The following DAPK1 variants were observed in gnomAD, a reference collection of about 807,000 sequenced individuals.
DAPK1 encodes the protein death associated protein kinase 1.
DAPK1 carries 56 observed loss-of-function variants against 144.9 expected under a neutral mutation model. The ratio of observed to expected loss-of-function variants is 0.39; its 90% CI spans 0.31 to 0.48. The LOEUF is 0.48. DAPK1 is among the 20% of genes least tolerant of loss of function. DAPK1 has a pLI of 0.95. For synonymous variants in DAPK1, 690 were observed against 749.0 expected (o/e 0.92, Z 1.29); for missense variants, 1,454 against 1,875.4 (o/e 0.78, Z 4.15).
intron 20 of DAPK1, among the ~76,000 whole-genome samples, chr9:87,685,541 C>T (rs1043540211): frequency 1.3e-5 from 2 of 152,164 alleles, no homozygotes; most frequent in African/African-American, 4.8e-5. Flanking sequence ...TCTCTGTGGG[C>T]CCTGGGTCAC....
chr9:87,595,554 C>G lies in DAPK1; in HGVS notation c.63-9400C>G, dbSNP rs544621090. 3.9e-5 allele frequency among the ~76,000 whole-genome samples: 6 copies of G among 152,334 alleles called. No individual in the cohort carries two copies. The South Asian group carries it at 1.2e-3, about 32-fold the overall frequency. ...CTTAATGATAAAGAGGTATCTTGAG[C>G]TACCTGACTCTCAGCATATTTGGTT... On this transcript the variant is annotated intron_variant, in intron 2 of 25. Coordinates refer to ENST00000408954, the MANE Select transcript of DAPK1 (RefSeq NM_004938.4).
intron 2 of DAPK1, among the ~76,000 whole-genome samples, chr9:87,518,214 C>A (rs142571309): frequency 6.7e-6 from 1 of 149,560 alleles, no homozygotes; most frequent in East Asian, 2.0e-4. Context: ...CGGGTTCAAG[C>A]GATTTTCCTG....
At chr9:87,656,786 G>A (rs567233722) in intron 17 of DAPK1, among the ~76,000 whole-genome samples, 2 of 152,278 alleles carry the variant, frequency 1.3e-5, no homozygotes, top group East Asian at 1.9e-4. Flanking sequence ...ACAAAGCAAG[G>A]GACAGAGTGG....
chr9:87,649,293 C>T (rs978624155), intron 15 of DAPK1, among the ~76,000 whole-genome samples: 16 of 152,266 alleles, frequency 1.1e-4, no homozygotes, highest in Admixed American at 1.0e-3. Context: ...ACTAGGATGG[C>T]CTCTCATCGG....
rs546015713 is a variant in DAPK1, at chr9:87,547,228, TAATC to T, written c.62+48093_62+48096del. Among the ~76,000 whole-genome samples the T allele has an allele frequency of 1.2e-3, 180 of 152,286 alleles. 1 individual carries two copies. Among genetic ancestry groups the T allele is most frequent in the Non-Finnish European group, 1.8e-3 (122 of 68,012 alleles). ...TAATAATAATAATTTGATATAAAAA[TAATC>T]AATAAAATCCTGATGTTGTATTAAT... On this transcript the variant is annotated intron_variant, in intron 2 of 25. Transcript: ENST00000408954.
At chr9:87,570,206 A>G (rs1200956474) in intron 2 of DAPK1, among the ~76,000 whole-genome samples, 1 of 151,988 alleles carries the variant, frequency 6.6e-6, no homozygotes, top group African/African-American at 2.4e-5. Context: ...GCTTTTATGG[A>G]CTCTTGAACC....
intron 18 of DAPK1, 117 bp from the exon 19 acceptor site, chr9:87,668,480 G>T: frequency 1.4e-6 from 1 of 737,846 alleles, no homozygotes; most frequent in Non-Finnish European, 2.5e-6. Flanking sequence ...TTGTCCACCT[G>T]GCTTGCTTCT....
intron 2 of DAPK1, among the ~76,000 whole-genome samples, chr9:87,528,437 C>T (rs1294458366): frequency 6.6e-6 from 1 of 152,008 alleles, no homozygotes; most frequent in African/African-American, 2.4e-5. Context: ...AGGCTGGTCT[C>T]GAGCTCCTGA....
chr9:87,524,754 T>C (rs1453353215), intron 2 of DAPK1, among the ~76,000 whole-genome samples: 3 of 152,092 alleles, frequency 2.0e-5, no homozygotes, highest in African/African-American at 4.8e-5. Flanking sequence ...ACCGATGAGA[T>C]TGGAGACAAT....
intron 2 of DAPK1, among the ~76,000 whole-genome samples, chr9:87,529,987 G>A (rs949695295): frequency 5.3e-5 from 8 of 152,178 alleles, no homozygotes; most frequent in African/African-American, 1.9e-4. Flanking sequence ...CAGAACCCCT[G>A]CTTCCTCATT....
intron 22 of DAPK1, among the ~76,000 whole-genome samples, chr9:87,697,498 T>C (rs752429092): frequency 6.6e-6 from 1 of 152,236 alleles, no homozygotes; most frequent in Non-Finnish European, 1.5e-5. Flanking sequence ...AACAATCCTT[T>C]GAGAGGCATT....
chr9:87,583,582 A>G (rs554451539), intron 2 of DAPK1, among the ~76,000 whole-genome samples: 1 of 152,350 alleles, frequency 6.6e-6, no homozygotes, highest in East Asian at 1.9e-4. Flanking sequence ...GACTTCTGTG[A>G]GCAGTGAAAA....
chr9:87,561,795 C>CTT (rs1826936479), intron 2 of DAPK1, among the ~76,000 whole-genome samples: 1 of 152,178 alleles, frequency 6.6e-6, no homozygotes. Flanking sequence ...GTGGACAGTG[C>CTT]TTATCTGGCA....
intron 3 of DAPK1, among the ~76,000 whole-genome samples, chr9:87,609,849 C>T (rs1424575303): frequency 1.3e-5 from 2 of 152,154 alleles, no homozygotes; most frequent in South Asian, 2.1e-4. Flanking sequence ...CACGGCAAGT[C>T]GAACTTCCTC....
intron 20 of DAPK1, among the ~76,000 whole-genome samples, chr9:87,683,824 C>T (rs1053960154): frequency 7.2e-5 from 11 of 152,178 alleles, no homozygotes; most frequent in Admixed American, 7.2e-4. Context: ...GCATGAGAGC[C>T]CTAAGGTGCA....
chr9:87,512,711 T>G (rs1445279553), intron 2 of DAPK1, among the ~76,000 whole-genome samples: 2 of 152,066 alleles, frequency 1.3e-5, no homozygotes, highest in Admixed American at 6.5e-5. Flanking sequence ...TGGTGTAATC[T>G]CGGCTCACTG....
intron 3 of DAPK1, 33 bp downstream of exon 3, chr9:87,605,208 G>T: frequency 6.4e-7 from 1 of 1,572,786 alleles, no homozygotes; most frequent in Non-Finnish European, 8.7e-7. Context: ...TGGGGAGAGG[G>T]TGTGGTGGGC....
intron 19 of DAPK1, among the ~76,000 whole-genome samples, chr9:87,679,512 C>G (rs1195425507): frequency 6.6e-6 from 1 of 152,146 alleles, no homozygotes; most frequent in East Asian, 1.9e-4. Flanking sequence ...TCACGTAAAC[C>G]TTGAGCAGGT....
At chr9:87,512,799 C>G (rs776183691) in intron 2 of DAPK1, among the ~76,000 whole-genome samples, 17 of 152,102 alleles carry the variant, frequency 1.1e-4, no homozygotes, top group Non-Finnish European at 1.8e-4. Flanking sequence ...TGCCACCATG[C>G]CCAGCTAATT....
Sources: gnomAD v4.1 joint callset for allele counts (sites outside exome capture counted in the v4.1 genomes callset) on GRCh38, gnomAD v4.1.1 for gene constraint, MANE v1.5 for transcripts, NCBI Gene and HGNC (gene_info 2026-07-23, HGNC 2026-07-21) for gene names.